Variants in TRIM44 observed in about 807,000 individuals in gnomAD.
TRIM44 encodes the protein tripartite motif containing 44, also known as tripartite motif-containing protein 44.
A neutral mutation model predicts 37.4 loss-of-function variants in TRIM44; 13 were observed. The observed-to-expected ratio is 0.35, with a 90% CI of 0.23 to 0.55. The LOEUF is 0.55. Ranked by LOEUF, TRIM44 falls within the 20% of genes least tolerant of loss-of-function variation. The probability of loss-of-function intolerance (pLI) is 0.89; values close to 1 mark genes in which losing one functional copy is unlikely to be tolerated. For missense variants in TRIM44, 426 were observed against 437.2 expected (o/e 0.97, Z 0.23); for synonymous variants, 175 against 157.2 (o/e 1.11, Z -0.85).
chr11:35,685,330 C>T lies in TRIM44; in HGVS notation c.741C>T (p.Asp247=). The stretch of plus-strand genomic sequence containing the variant: ...AAAGGTTGAAGTTCAAGAGCTCAGA[C>T]CCTAAAGTAAGTATTGTTTGGAATT... The part of the protein sequence containing the change: ...LVERLKFKSS[D]PKVTRDQMKM... Residue 247 remains aspartate, a synonymous_variant, in exon 2 of 5, where the codon GAC becomes GAT. Transcript: ENST00000299413. The T allele has an allele frequency of 6.2e-7, 1 of 1,614,024 alleles. No individual in the cohort carries two copies. Among genetic ancestry groups the T allele is most frequent in the Non-Finnish European group, 8.5e-7 (1 of 1,179,872 alleles).
chr11:35,700,534 A>C (rs1049393721), intron 2 of TRIM44, among the ~76,000 whole-genome samples: 2 of 152,168 alleles, frequency 1.3e-5, no homozygotes, highest in African/African-American at 4.8e-5. Flanking sequence ...ACTCTTAGCA[A>C]CTTTTACTTT....
At chr11:35,744,617 C>G (rs1010896178) in intron 4 of TRIM44, among the ~76,000 whole-genome samples, 6 of 151,908 alleles carry the variant, frequency 3.9e-5, no homozygotes, top group Non-Finnish European at 8.8e-5. Flanking sequence ...AGGTTTGTTA[C>G]ATAGGTAAAC....
At position 35,806,520 on chromosome 11, in the gene TRIM44, A is replaced by G. The variant is rs532584265; in HGVS notation, c.*135A>G. ...CCACCAGATGTGTCCCCAGATCCACAGCAGGCACATATCTCTCCAAGGGAT... is the reference window on the plus strand; with the variant it reads ...CCACCAGATGTGTCCCCAGATCCACGGCAGGCACATATCTCTCCAAGGGAT... On this transcript the variant is annotated 3_prime_UTR_variant, in exon 5 of 5. Transcript: ENST00000299413. 46 of 915,352 alleles carry G rather than the reference A, an allele frequency of 5.0e-5. No homozygotes were observed. Among genetic ancestry groups the G allele is most frequent in the Admixed American group, 4.4e-4 (24 of 53,938 alleles). The allele number at this position is 915,352 out of a possible 1,614,324, so 56.7% of individuals were successfully genotyped here. A position where few individuals can be genotyped will look rare whatever the true frequency, so the allele number is the denominator to read the frequency against.
In TRIM44 at chr11:35,767,372, C is replaced by G. The variant is rs559218250; in HGVS notation, c.1007+31927C>G. ...AGAAAAGACCAAACTTGTGAACATA[C>G]AAGATCACCTTACCTGGCCCTCCTC... On this transcript the variant is annotated intron_variant, in intron 4 of 4. Coordinates refer to ENST00000299413, the MANE Select transcript of TRIM44 (RefSeq NM_017583.6). Among the ~76,000 whole-genome samples, 45 of 152,196 alleles carry G rather than the reference C, an allele frequency of 3.0e-4. No homozygotes were observed. In the South Asian group the frequency reaches 6.2e-3, roughly 21 times the overall value.
chr11:35,691,454 C>A (rs1365191001), intron 2 of TRIM44, among the ~76,000 whole-genome samples: 2 of 152,124 alleles, frequency 1.3e-5, no homozygotes, highest in Non-Finnish European at 2.9e-5. Context: ...TCCCAATAAA[C>A]CCATTATAAG....
intron 4 of TRIM44, among the ~76,000 whole-genome samples, chr11:35,782,259 TCA>T (rs1254074020): frequency 6.6e-6 from 1 of 152,126 alleles, no homozygotes; most frequent in Non-Finnish European, 1.5e-5. Context: ...TTGCTAAATC[TCA>T]GTCTTAAAGG....
At chr11:35,733,740 C>T (rs552161904) in intron 3 of TRIM44, among the ~76,000 whole-genome samples, 2 of 152,156 alleles carry the variant, frequency 1.3e-5, no homozygotes, top group Non-Finnish European at 2.9e-5. Flanking sequence ...CCCTTTACCT[C>T]AGTCACGCTC....
chr11:35,667,830 A>G (rs1470144614), intron 1 of TRIM44, among the ~76,000 whole-genome samples: 3 of 152,216 alleles, frequency 2.0e-5, no homozygotes, highest in Non-Finnish European at 4.4e-5. Flanking sequence ...ACTTGGTCAT[A>G]ATGAAGTAGC....
rs145643815 is a variant in TRIM44, at chr11:35,688,709, G to C, written c.747+3373G>C. Among the ~76,000 whole-genome samples the C allele has an allele frequency of 1.9e-4, 29 of 152,292 alleles. No individual in the cohort carries two copies. In the East Asian group the frequency reaches 5.6e-3, roughly 29 times the overall value. On this transcript the variant is annotated intron_variant, in intron 2 of 4. Transcript: ENST00000299413. Reference sequence around the variant, plus strand: ...CAGACCCAGAGGTTCTTAAACTTCAGTGTACATGAAAATCACCCAGAAGAC... The same window carrying C: ...CAGACCCAGAGGTTCTTAAACTTCACTGTACATGAAAATCACCCAGAAGAC...
intron 4 of TRIM44, among the ~76,000 whole-genome samples, chr11:35,769,024 T>C (rs969044142): frequency 6.6e-6 from 1 of 152,204 alleles, no homozygotes; most frequent in African/African-American, 2.4e-5. Flanking sequence ...ATTCAAAAGT[T>C]CTGGCATTAG....
At chr11:35,768,487 A>G (rs1301260299) in intron 4 of TRIM44, among the ~76,000 whole-genome samples, 1 of 152,206 alleles carries the variant, frequency 6.6e-6, no homozygotes, top group East Asian at 1.9e-4. Flanking sequence ...CAGATCTCAT[A>G]GCCCACTTGC....
chr11:35,725,975 C>T lies in TRIM44; in HGVS notation c.799C>T (p.Gln267Ter), dbSNP rs962390951. 6.2e-7 allele frequency: 1 copy of T among 1,613,902 alleles called. No individual in the cohort carries two copies. Among genetic ancestry groups the T allele is most frequent in the African/African-American group, 1.3e-5 (1 of 74,886 alleles). The change falls in exon 3 of 5, where the codon CAG (glutamine) becomes TAG (stop). Residue 267 changes from glutamine (Q) to a stop codon, truncating the protein, a stop_gained. Transcript: ENST00000299413. LOFTEE classifies it high-confidence loss of function. ...TATACAGCAGGAATTTAAGAAAGTT[C>T]AGAAAGTGATTGCTGATGAGGAGCA... ...MFIQQEFKKVQKVIADEEQKA... is the reference protein window; with the variant it reads ...MFIQQEFKKV
chr11:35,806,162 T>C (rs1853445849), intron 4 of TRIM44, among the ~76,000 whole-genome samples, 196 bp from the exon 5 acceptor site: 1 of 152,176 alleles, frequency 6.6e-6, no homozygotes, highest in Admixed American at 6.5e-5. Context: ...TTTATCATCA[T>C]TCCCCCTATG....
chr11:35,709,367 T>G (rs551052681), intron 2 of TRIM44, among the ~76,000 whole-genome samples: 2 of 152,312 alleles, frequency 1.3e-5, no homozygotes, highest in East Asian at 3.9e-4. Flanking sequence ...TTCCCTTGAT[T>G]AACCTAGCCA....
At chr11:35,744,902 A>T (rs1392749420) in intron 4 of TRIM44, among the ~76,000 whole-genome samples, 1 of 152,128 alleles carries the variant, frequency 6.6e-6, no homozygotes, top group Non-Finnish European at 1.5e-5. Context: ...ACATGATCTC[A>T]TTCCTTTCTG....
chr11:35,729,699 A>C (rs1852228835), intron 3 of TRIM44, among the ~76,000 whole-genome samples: 1 of 152,214 alleles, frequency 6.6e-6, no homozygotes. Context: ...GAGGCTTTAT[A>C]AACTTAAGGT....
At chr11:35,682,593 G>A (rs1410560408) in intron 1 of TRIM44, among the ~76,000 whole-genome samples, 1 of 152,204 alleles carries the variant, frequency 6.6e-6, no homozygotes, top group African/African-American at 2.4e-5. Context: ...TCATCATAGA[G>A]CCCAGTTAAT....
intron 2 of TRIM44, among the ~76,000 whole-genome samples, chr11:35,697,150 G>C: frequency 6.6e-6 from 1 of 150,722 alleles, no homozygotes; most frequent in Admixed American, 6.6e-5. Flanking sequence ...TGCCATGTTG[G>C]TGTGCTGCAC....
At chr11:35,669,709 C>A (rs1480487640) in intron 1 of TRIM44, among the ~76,000 whole-genome samples, 1 of 152,072 alleles carries the variant, frequency 6.6e-6, no homozygotes, top group Admixed American at 6.5e-5. Flanking sequence ...GAACTCCTGG[C>A]CTCAGGTGAT....
Sources: allele counts gnomAD v4.1 joint callset (sites outside exome capture counted in the v4.1 genomes callset), GRCh38; gene constraint gnomAD v4.1.1; transcripts MANE v1.5; gene names NCBI Gene and HGNC (gene_info 2026-07-23, HGNC 2026-07-21).